KCMF1: variants seen among roughly 807,000 people sequenced by gnomAD.
KCMF1 encodes E3 ubiquitin-protein ligase KCMF1.
In KCMF1, 3 loss-of-function variants were observed where a neutral mutation model predicts 41.1. The ratio of observed to expected loss-of-function variants is 0.07; its 90% CI spans 0.03 to 0.19. KCMF1 has a LOEUF of 0.19. Among genes scored for constraint, KCMF1 ranks in the 10% least tolerant of loss-of-function variants. KCMF1 has a pLI of 1.00. For synonymous variants in KCMF1, 142 were observed against 164.5 expected (o/e 0.86, Z 1.04); for missense variants, 286 against 488.9 (o/e 0.58, Z 3.91).
At chr2:85,023,464 G>A (rs868467829) in intron 1 of KCMF1, among the ~76,000 whole-genome samples, 1 of 151,398 alleles carries the variant, frequency 6.6e-6, no homozygotes, top group African/African-American at 2.4e-5. Flanking sequence ...GACTACAGGC[G>A]CCCGCCACCA....
rs571427849 is a variant in KCMF1 at position 85,015,026 on chromosome 2, C to T, written c.17-12863C>T. Among the ~76,000 whole-genome samples, 9 of 151,618 alleles carry T rather than the reference C, an allele frequency of 5.9e-5. No homozygotes were observed. In the South Asian group the frequency reaches 1.7e-3, roughly 28 times the overall value. On this transcript the variant is annotated intron_variant, in intron 1 of 6. Transcript: ENST00000409785. The stretch of plus-strand genomic sequence containing the variant: ...AGTACTTGTTCAGGGCCTTCTTTTT[C>T]CCCCCTCTACTTTCATTATTCAGTA...
intron 3 of KCMF1, among the ~76,000 whole-genome samples, chr2:85,040,823 C>A (rs527291992): frequency 6.7e-6 from 1 of 149,160 alleles, no homozygotes; most frequent in African/African-American, 2.5e-5. Context: ...TGCAGTGGTG[C>A]GATCTTGGCT....
At chr2:85,032,340 T>TTTTTTA (rs1410217909) in intron 2 of KCMF1, among the ~76,000 whole-genome samples, 7 of 151,544 alleles carry the variant, frequency 4.6e-5, no homozygotes, top group South Asian at 2.1e-4. Flanking sequence ...TCTGGCTAAT[T>TTTTTTA]TTTTTATTTT....
At chr2:85,027,050 G>A (rs915289269) in intron 1 of KCMF1, among the ~76,000 whole-genome samples, 1 of 152,178 alleles carries the variant, frequency 6.6e-6, no homozygotes, top group Non-Finnish European at 1.5e-5. Context: ...CATGAGGACT[G>A]GTTTGTGGTT....
At chr2:84,998,570 T>C (rs1674233151) in intron 1 of KCMF1, among the ~76,000 whole-genome samples, 1 of 150,778 alleles carries the variant, frequency 6.6e-6, no homozygotes, top group African/African-American at 2.4e-5. Context: ...GCCAACGCCT[T>C]ATTTATTTAT....
chr2:85,047,396 G>A (rs980576347), intron 5 of KCMF1, among the ~76,000 whole-genome samples: 4 of 152,148 alleles, frequency 2.6e-5, no homozygotes, highest in South Asian at 2.1e-4. Context: ...TGTGCAAGGC[G>A]CCTCATGGCT....
At chr2:84,999,595 T>C (rs1674279117) in intron 1 of KCMF1, among the ~76,000 whole-genome samples, 1 of 152,198 alleles carries the variant, frequency 6.6e-6, no homozygotes, top group African/African-American at 2.4e-5. Flanking sequence ...TAAGTTGGAC[T>C]TAAAAGAAAT....
intron 1 of KCMF1, among the ~76,000 whole-genome samples, chr2:85,019,250 G>C (rs1674867859): frequency 6.6e-6 from 1 of 152,144 alleles, no homozygotes; most frequent in South Asian, 2.1e-4. Flanking sequence ...AGGAACTTTA[G>C]ATTACCTGTA....
At chr2:84,998,180 C>T (rs2103985978) in intron 1 of KCMF1, among the ~76,000 whole-genome samples, 2 of 151,998 alleles carry the variant, frequency 1.3e-5, no homozygotes, top group Non-Finnish European at 2.9e-5. Flanking sequence ...CAACCTCTGC[C>T]TCCCAGGTTC....
At chr2:85,016,203 TCTCC>T (rs1398531692) in intron 1 of KCMF1, among the ~76,000 whole-genome samples, 1 of 152,166 alleles carries the variant, frequency 6.6e-6, no homozygotes, top group Admixed American at 6.5e-5. Flanking sequence ...TGGATCATGC[TCTCC>T]CCCTATTTCA....
At chr2:84,981,284 G>A (rs891290632) in intron 1 of KCMF1, among the ~76,000 whole-genome samples, 1 of 151,744 alleles carries the variant, frequency 6.6e-6, no homozygotes, top group East Asian at 1.9e-4. Flanking sequence ...CCGCCTCCCG[G>A]GTTCATGCCA....
intron 1 of KCMF1, among the ~76,000 whole-genome samples, chr2:85,018,552 G>A (rs1245977215): frequency 6.6e-6 from 1 of 152,046 alleles, no homozygotes; most frequent in Non-Finnish European, 1.5e-5. Flanking sequence ...TTACAGGCAT[G>A]AGCCACTGCA....
At chr2:85,030,154 A>T (rs1371344610) in intron 2 of KCMF1, among the ~76,000 whole-genome samples, 2 of 152,156 alleles carry the variant, frequency 1.3e-5, no homozygotes, top group Non-Finnish European at 2.9e-5. Flanking sequence ...ACTTTGAAGA[A>T]ATACCTTGAT....
intron 1 of KCMF1, among the ~76,000 whole-genome samples, chr2:84,990,185 G>T (rs1308215304): frequency 6.6e-6 from 1 of 152,240 alleles, no homozygotes; most frequent in Non-Finnish European, 1.5e-5. Flanking sequence ...GCTGGACCCA[G>T]ATTGCAATGT....
chr2:85,046,157 A>G lies in KCMF1; in HGVS notation c.480A>G (p.Gly160=), dbSNP rs1675662247. The G allele has an allele frequency of 3.1e-6, 5 of 1,613,414 alleles. No homozygotes were observed. The highest frequency in any genetic ancestry group is 4.2e-6 in the Non-Finnish European group (5 of 1,179,716). The change falls in exon 5 of 7, where the codon GGA becomes GGG. Residue 160 remains glycine (G), a synonymous_variant. Transcript: ENST00000409785. ...HVRRMFHPGR[G]LGGPRARRSN... ...GTAGAATGTTTCACCCTGGCCGGGG[A>G]TTAGGAGGTCCTCGTGCTCGTAGAT...
intron 1 of KCMF1, among the ~76,000 whole-genome samples, chr2:84,980,690 G>A (rs994723732): frequency 6.6e-6 from 1 of 150,878 alleles, no homozygotes; most frequent in African/African-American, 2.4e-5. Context: ...CACCCAGACT[G>A]GAGTCCAGTG....
At chr2:84,998,863 C>G (rs1297933511) in intron 1 of KCMF1, among the ~76,000 whole-genome samples, 2 of 151,466 alleles carry the variant, frequency 1.3e-5, no homozygotes, top group Non-Finnish European at 2.9e-5. Context: ...CCACCCAACT[C>G]GGACTCCCAA....
chr2:84,974,170 C>T, intron 1 of KCMF1, among the ~76,000 whole-genome samples: 1 of 152,164 alleles, frequency 6.6e-6, no homozygotes. Context: ...TCTCAGTCAT[C>T]TGTCCACCTC....
chr2:84,992,569 CTACCA>C (rs765413583), intron 1 of KCMF1, among the ~76,000 whole-genome samples: 2 of 152,130 alleles, frequency 1.3e-5, no homozygotes, highest in Non-Finnish European at 2.9e-5. Flanking sequence ...AAATAGCTGT[CTACCA>C]TCCTTATAAA....
Sources: allele counts gnomAD v4.1 joint callset (sites outside exome capture counted in the v4.1 genomes callset), GRCh38; gene constraint gnomAD v4.1.1; transcripts MANE v1.5; gene names NCBI Gene and HGNC (gene_info 2026-07-23, HGNC 2026-07-21).